The following SCARF1 variants were observed in gnomAD, a reference collection of about 807,000 sequenced individuals.
SCARF1 encodes acetyl LDL receptor.
SCARF1 carries 49 observed loss-of-function variants against 76.3 expected under a neutral mutation model. That is an observed-to-expected ratio of 0.64 (90% CI 0.51 to 0.81). The LOEUF is 0.81. SCARF1 is among the 40% of genes least tolerant of loss of function. SCARF1 has a pLI of 0.00. For missense variants in SCARF1, 1,098 were observed against 1,143.9 expected (o/e 0.96, Z 0.58); for synonymous variants, 495 against 474.6 (o/e 1.04, Z -0.56).
In SCARF1 at chr17:1,635,221, A is replaced by G. The variant is rs369956990; in HGVS notation, c.2030T>C (p.Ile677Thr). The G allele has an allele frequency of 1.9e-6, 3 of 1,612,802 alleles. No individual in the cohort carries two copies. Among genetic ancestry groups the G allele is most frequent in the East Asian group, 2.2e-5 (1 of 44,870 alleles). The change falls in exon 11 of 11, where the codon ATT (isoleucine) becomes ACT (threonine). Residue 677 changes from isoleucine to threonine, a missense_variant. Coordinates refer to ENST00000263071, the MANE Select transcript of SCARF1 (RefSeq NM_003693.4). The part of the protein sequence containing the change: ...GRTVAEHVEA[I>T]EGSVQESSGP... Reference sequence around the variant, plus strand: ...CGAGCTCTCCTGGACGCTGCCCTCAATGGCTTCCACGTGCTCAGCCACTGT... The same window carrying G: ...CGAGCTCTCCTGGACGCTGCCCTCAGTGGCTTCCACGTGCTCAGCCACTGT...
chr17:1,634,388 CAAA>C lies in SCARF1; in HGVS notation c.*367_*369del, dbSNP rs57812361. The C allele has an allele frequency of 1.8e-3, 595 of 327,786 alleles. 1 individual carries two copies. Among genetic ancestry groups the C allele is most frequent in the East Asian group, 7.3e-3 (155 of 21,370 alleles). The allele number at this position is 327,786 out of a possible 1,614,324, so 20.3% of individuals were successfully genotyped here. ...TGGGGGACAGAGGGAGATTCTGTCT[CAAA>C]AAAAAAAAAAAAAATTTGTTTAGCC... On this transcript the variant is annotated 3_prime_UTR_variant, in exon 11 of 11. Coordinates refer to ENST00000263071, the MANE Select transcript of SCARF1 (RefSeq NM_003693.4).
chr17:1,641,725 A>T (rs1001023622), intron 4 of SCARF1, among the ~76,000 whole-genome samples: 2 of 151,942 alleles, frequency 1.3e-5, no homozygotes, highest in African/African-American at 2.4e-5. Flanking sequence ...ATTTTATTTT[A>T]TTATTATTTT....
At chr17:1,639,591 G>T in intron 7 of SCARF1, 48 bp downstream of exon 7, 3 of 1,367,626 alleles carry the variant, frequency 2.2e-6, no homozygotes, top group Non-Finnish European at 3.1e-6. Flanking sequence ...CATGTGAAGG[G>T]CCCGCCTTTC....
intron 8 of SCARF1, among the ~76,000 whole-genome samples, chr17:1,637,614 A>C (rs1013704155): frequency 5.9e-5 from 9 of 152,144 alleles, no homozygotes; most frequent in Admixed American, 1.3e-4. Flanking sequence ...CTGGGATTAC[A>C]GGCGTGCACC....
At position 1,640,297 on chromosome 17, in the gene SCARF1, C is replaced by T; in HGVS notation, c.1010+151G>A. 2.4e-6 allele frequency: 2 copies of T among 825,930 alleles called. No homozygotes were observed. Among genetic ancestry groups the T allele is most frequent in the Non-Finnish European group, 3.7e-6 (2 of 534,146 alleles). The allele number at this position is 825,930 out of a possible 1,614,324, so 51.2% of individuals were successfully genotyped here. Reference sequence around the variant, plus strand: ...GGATCCTGCCCAGGCCCCCCCAGAACCCACTGCTCTCCCCCAGTCTTCAAC... The same window carrying T: ...GGATCCTGCCCAGGCCCCCCCAGAATCCACTGCTCTCCCCCAGTCTTCAAC... On this transcript the variant is annotated intron_variant, in intron 5 of 10. Coordinates refer to ENST00000263071, the MANE Select transcript of SCARF1 (RefSeq NM_003693.4). This position sits in a 1 kb window ranked among gnomAD's most constrained non-coding sequence, Gnocchi z 4.7.
intron 10 of SCARF1, 145 bp downstream of exon 10, chr17:1,636,563 AG>A: frequency 1.1e-6 from 1 of 921,638 alleles, no homozygotes. Flanking sequence ...CAGTGAGCTG[AG>A]ATCGCACCAC....
Position 1,643,863 on chromosome 17 carries a change from G to C in SCARF1, c.370C>G (p.Arg124Gly). 7.8e-7 allele frequency: 1 copy of C among 1,280,740 alleles called. No homozygotes were observed. Among genetic ancestry groups the C allele is most frequent in the Non-Finnish European group, 9.8e-7 (1 of 1,017,992 alleles). 79.3% of individuals were successfully genotyped at this position (1,280,740 alleles called of 1,614,324 possible). A position where few individuals can be genotyped will look rare whatever the true frequency, so the allele number is the denominator to read the frequency against. The change falls in exon 4 of 11, where the codon CGC becomes GGC. Residue 124 changes from arginine to glycine, a missense_variant. Physicochemically the swap from Arg to Gly is moderately radical, Grantham distance 125. Transcript: ENST00000263071. ...GGGAACTCGCAGCGGGCTCCCCAGC[G>C]GTCGGCCTGGCACTGGCACGCGCCC... ...ATGACQCQAD[R>G]WGARCEFPCA...
At chr17:1,636,888 C>T in intron 9 of SCARF1, 33 bp from the exon 10 acceptor site, 1 of 1,613,766 alleles carries the variant, frequency 6.2e-7, no homozygotes. Context: ...GCCTGCAGGA[C>T]CTGATGCAAA....
At position 1,643,699 on chromosome 17, in the gene SCARF1, GGCGCCCGTGGCCTGCTCGCAGC is replaced by G. The variant is rs1449540012; in HGVS notation, c.512_533del (p.Arg171ProfsTer189). ...CCCACCAGCCCGGCTTGCACACGCAGGCGCCCGTGGCCTGCTCGCAGCGCGCCGCCGCGGTGTTGCACTGGCA... is the reference window on the plus strand; with the variant it reads ...CCCACCAGCCCGGCTTGCACACGCAGGCGCCGCCGCGGTGTTGCACTGGCA... On this transcript the variant is annotated frameshift_variant, in exon 4 of 11. Transcript: ENST00000263071. LOFTEE classifies it high-confidence loss of function. The G allele has an allele frequency of 7.0e-7, 1 of 1,434,952 alleles. No individual in the cohort carries two copies. Among genetic ancestry groups the G allele is most frequent in the Non-Finnish European group, 9.1e-7 (1 of 1,102,108 alleles). 88.9% of individuals were successfully genotyped at this position (1,434,952 alleles called of 1,614,324 possible).
chr17:1,635,598 C>T lies in SCARF1; in HGVS notation c.1653G>A (p.Gln551=). The T allele has an allele frequency of 6.2e-7, 1 of 1,602,928 alleles. No individual in the cohort carries two copies. The stretch of plus-strand genomic sequence containing the variant: ...CCAGGCTGGCCTCTGACGACCCTGC[C>T]TGGGCCACAGGGACCATCCCTGGCA... The part of the protein sequence containing the change: ...PPQEGMVPVA[Q]AGSSEASLAA... The change falls in exon 11 of 11, where the codon CAG becomes CAA. Residue 551 remains glutamine, a synonymous_variant. Transcript: ENST00000263071.
Position 1,642,418 on chromosome 17 carries a change from A to C in SCARF1, c.791+1024T>G, listed in dbSNP as rs184948930. Among the ~76,000 whole-genome samples the C allele has an allele frequency of 1.5e-4, 22 of 143,764 alleles. 2 individuals carry two copies. In the East Asian group the frequency reaches 3.9e-3, roughly 26 times the overall value. The allele number at this position is 143,764 out of a possible 152,430, so 94.3% of individuals were successfully genotyped here. On this transcript the variant is annotated intron_variant, in intron 4 of 10. Transcript: ENST00000263071. Reference sequence around the variant, plus strand: ...TTCCATTGTTCAACTCCCACCTATGAGTGAGAATATGCGGTGTTTGGTTTT... The same window carrying C: ...TTCCATTGTTCAACTCCCACCTATGCGTGAGAATATGCGGTGTTTGGTTTT...
rs146375226 is a variant in SCARF1, at chr17:1,635,400, C to T, written c.1851G>A (p.Lys617=). 4.5e-5 allele frequency: 73 copies of T among 1,613,776 alleles called. No individual in the cohort carries two copies. The African/African-American group carries it at 8.3e-4, about 18-fold the overall frequency. The change falls in exon 11 of 11, where the codon AAG becomes AAA. Residue 617 remains lysine (K), a synonymous_variant. Coordinates refer to ENST00000263071, the MANE Select transcript of SCARF1 (RefSeq NM_003693.4). ...CCGACTGCGCCCCCCGGGAGAGCCT[C>T]TTGGGCTTTCGGAGCGGGCTGGAGA... The part of the protein sequence containing the change: ...GELSSPLRKP[K]RLSRGAQSGP...
rs560042472 is a variant in SCARF1, at chr17:1,645,296, G to A, written c.102-57C>T. On this transcript the variant is annotated intron_variant, in intron 1 of 10. Coordinates refer to ENST00000263071, the MANE Select transcript of SCARF1 (RefSeq NM_003693.4). The surrounding 1 kb of genome is among the most constrained non-coding windows in gnomAD (Gnocchi z 6.3). The stretch of plus-strand genomic sequence containing the variant: ...GTGGGGGGTGCAGCCTGGCCCTGAG[G>A]AAGGTGGATCACTGTCTCTGGCTGC... 107 of 1,594,222 alleles carry A rather than the reference G, an allele frequency of 6.7e-5. 1 individual carries two copies. The African/African-American group carries it at 1.2e-3, about 19-fold the overall frequency.
chr17:1,641,209 C>A (rs1404389113), intron 4 of SCARF1, among the ~76,000 whole-genome samples: 1 of 152,246 alleles, frequency 6.6e-6, no homozygotes, highest in Non-Finnish European at 1.5e-5. Context: ...GCAGGGGAGC[C>A]TGACCGCCTG....
intron 4 of SCARF1, among the ~76,000 whole-genome samples, chr17:1,641,434 A>G (rs1379601317): frequency 6.6e-6 from 1 of 152,236 alleles, no homozygotes; most frequent in African/African-American, 2.4e-5. Flanking sequence ...ATGGTGAGTC[A>G]TATTATTATT....
Position 1,644,997 on chromosome 17 carries a change from C to T in SCARF1, c.164-62G>A. 6.3e-7 allele frequency: 1 copy of T among 1,575,192 alleles called. No individual in the cohort carries two copies. The highest frequency in any genetic ancestry group is 8.7e-7 in the Non-Finnish European group (1 of 1,154,968). ...CAGGACCAGGGGACACCCCTGCCCT[C>T]TCACTGGCTCCAGGGGCCATGCCTC... On this transcript the variant is annotated intron_variant, in intron 2 of 10. Transcript: ENST00000263071. This position sits in a 1 kb window ranked among gnomAD's most constrained non-coding sequence, Gnocchi z 4.8.
chr17:1,638,654 G>A (rs1336191697), intron 8 of SCARF1, 152 bp downstream of exon 8: 14 of 862,448 alleles, frequency 1.6e-5, no homozygotes, highest in Admixed American at 7.4e-5. Flanking sequence ...TCTGACCCAC[G>A]GGGGCGACAA....
At position 1,635,317 on chromosome 17, in the gene SCARF1, T is replaced by G. The variant is rs200313658; in HGVS notation, c.1934A>C (p.Glu645Ala). The change falls in exon 11 of 11, where the codon GAG becomes GCG. Residue 645 changes from glutamate to alanine, a missense_variant. By Grantham distance (107) the Glu-to-Ala change is moderately radical. Transcript: ENST00000263071. ...STGPEEAEAPESFPAAASPGD... is the reference protein window; with the variant it reads ...STGPEEAEAPASFPAAASPGD... ...GGGACTGGCAGCCGCCGGAAAGGAC[T>G]CGGGGGCTTCTGCTTCCTCTGGGCC... 17 of 1,612,526 alleles carry G rather than the reference T, an allele frequency of 1.1e-5. No homozygotes were observed. The highest frequency in any genetic ancestry group is 1.7e-4 in the Middle Eastern group (1 of 6,060).
In SCARF1 at chr17:1,634,599, G is replaced by A; in HGVS notation, c.*159C>T. On this transcript the variant is annotated 3_prime_UTR_variant, in exon 11 of 11. Transcript: ENST00000263071. ...CCCAGGCCTTCCTGGGCCCCTCCGG[G>A]AGCACTGCCAGGGGCCTGGGCCAAC... is the stretch of plus-strand genomic sequence containing the variant. The A allele has an allele frequency of 1.0e-6, 1 of 992,922 alleles. No individual in the cohort carries two copies. Among genetic ancestry groups the A allele is most frequent in the Non-Finnish European group, 1.4e-6 (1 of 693,856 alleles). 61.5% of individuals were successfully genotyped at this position (992,922 alleles called of 1,614,324 possible).
Sources: allele counts gnomAD v4.1 joint callset (sites outside exome capture counted in the v4.1 genomes callset), GRCh38; gene constraint gnomAD v4.1.1; non-coding constraint Gnocchi (gnomAD v3.1); transcripts MANE v1.5; gene names NCBI Gene and HGNC (gene_info 2026-07-23, HGNC 2026-07-21).